CUL2: variants seen among roughly 807,000 people sequenced by gnomAD.
The protein encoded by CUL2 is cullin-2.
A neutral mutation model predicts 110.2 loss-of-function variants in CUL2; 22 were observed. That is an observed-to-expected ratio of 0.20 (90% CI 0.14 to 0.28). CUL2 has a LOEUF of 0.28. Ranked by LOEUF, CUL2 falls within the 10% of genes least tolerant of loss-of-function variation. The probability of loss-of-function intolerance (pLI) is 1.00; values close to 1 mark genes in which losing one functional copy is unlikely to be tolerated. For missense variants in CUL2, 631 were observed against 905.5 expected, an observed-to-expected ratio of 0.70 and a Z score of 3.89; for synonymous variants, 279 against 293.2, an observed-to-expected ratio of 0.95 and a Z score of 0.49.
chr10:35,076,101 T>C (rs1300579647), intron 1 of CUL2, among the ~76,000 whole-genome samples: 1 of 152,142 alleles, frequency 6.6e-6, no homozygotes, highest in South Asian at 2.1e-4. Context: ...TACGAGGAAA[T>C]GAAGTACTGA....
At chr10:35,016,076 T>A in intron 18 of CUL2, 116 bp downstream of exon 18, 2 of 818,584 alleles carry the variant, frequency 2.4e-6, no homozygotes, top group Non-Finnish European at 3.9e-6. Flanking sequence ...ACGTAGTGAA[T>A]ACAAGTGCTT....
At chr10:35,055,905 G>A (rs931897712) in intron 4 of CUL2, among the ~76,000 whole-genome samples, 2 of 152,120 alleles carry the variant, frequency 1.3e-5, no homozygotes, top group African/African-American at 4.8e-5. Flanking sequence ...CTCCACCTAA[G>A]TGCCCCATCC....
intron 18 of CUL2, among the ~76,000 whole-genome samples, chr10:35,015,225 G>A (rs1482823038): frequency 6.6e-6 from 1 of 151,806 alleles, no homozygotes; most frequent in South Asian, 2.1e-4. Flanking sequence ...CCCAGGAGGT[G>A]GAGGTTGCAG....
chr10:35,119,548 T>C (rs892478778), intron 1 of CUL2, among the ~76,000 whole-genome samples: 34 of 150,298 alleles, frequency 2.3e-4, no homozygotes, highest in African/African-American at 6.3e-4. Flanking sequence ...TTTAGGGAGG[T>C]TTTAAAATTA....
chr10:35,120,115 A>G (rs1196423654), intron 1 of CUL2: 1 of 152,226 alleles, frequency 6.6e-6, no homozygotes. Context: ...GATTTATTTT[A>G]TCATTTAAAT....
intron 1 of CUL2, among the ~76,000 whole-genome samples, chr10:35,124,210 G>A (rs954571192): frequency 6.6e-6 from 1 of 152,124 alleles, no homozygotes; most frequent in African/African-American, 2.4e-5. Context: ...AAATAAGGCA[G>A]TAGTCATTGG....
intron 1 of CUL2, among the ~76,000 whole-genome samples, chr10:35,115,229 TTC>T: frequency 6.7e-6 from 1 of 149,402 alleles, no homozygotes; most frequent in South Asian, 2.1e-4. Flanking sequence ...CACAGCAAGA[TTC>T]TGTCTAAAAA....
rs752579429 is a variant in CUL2, at chr10:35,028,898, AAAAAT to A, written c.1540-16_1540-12del. 1.5e-5 allele frequency: 23 copies of A among 1,557,004 alleles called. No individual in the cohort carries two copies. Among genetic ancestry groups the A allele is most frequent in the East Asian group, 4.5e-5 (2 of 44,444 alleles). ...AGGCCACGCACCAGCCTAGAAGGAAAAAAATAAAATAAAATAAGCTAAATGGATCA... is the reference window on the plus strand; with the variant it reads ...AGGCCACGCACCAGCCTAGAAGGAAAAAAATAAAATAAGCTAAATGGATCA... On this transcript the variant is annotated splice_polypyrimidine_tract_variant and intron_variant, in intron 15 of 20. Transcript: ENST00000374749.
chr10:35,113,026 T>C (rs1306227660), intron 1 of CUL2, among the ~76,000 whole-genome samples: 1 of 151,224 alleles, frequency 6.6e-6, no homozygotes, highest in Non-Finnish European at 1.5e-5. Flanking sequence ...ACCCAGTCTC[T>C]ACTAAAAATA....
chr10:35,028,702 T>G lies in CUL2; in HGVS notation c.1617+108A>C, dbSNP rs1489437186. 4.6e-6 allele frequency: 3 copies of G among 655,644 alleles called. No individual in the cohort carries two copies. In the Admixed American group the frequency reaches 8.9e-5, roughly 19 times the overall value. 40.6% of individuals were successfully genotyped at this position (655,644 alleles called of 1,614,324 possible). A position where few individuals can be genotyped will look rare whatever the true frequency, so the allele number is the denominator to read the frequency against. ...GACTGACTATAATTTCTGAATCTAT[T>G]TTTATCACATGAACCCTTAAGACTC... On this transcript the variant is annotated intron_variant, in intron 16 of 20. Coordinates refer to ENST00000374749, the MANE Select transcript of CUL2 (RefSeq NM_003591.4).
upstream of CUL2, among the ~76,000 whole-genome samples, chr10:35,090,793 A>C (rs919833260): frequency 4.6e-5 from 7 of 152,210 alleles, no homozygotes; most frequent in African/African-American, 1.7e-4. Context: ...GTACCCACCC[A>C]CTACCCGTTA....
At chr10:35,056,000 G>C (rs1221715290) in intron 4 of CUL2, among the ~76,000 whole-genome samples, 1 of 152,206 alleles carries the variant, frequency 6.6e-6, no homozygotes, top group Non-Finnish European at 1.5e-5. Flanking sequence ...CCCCAGAGGA[G>C]TTAGCCTTCA....
chr10:35,083,683 A>C (rs1307374753), intron 1 of CUL2, among the ~76,000 whole-genome samples: 1 of 152,214 alleles, frequency 6.6e-6, no homozygotes, highest in African/African-American at 2.4e-5. Flanking sequence ...CAGAGCAACA[A>C]AATAATGAAT....
intron 1 of CUL2, among the ~76,000 whole-genome samples, chr10:35,079,228 A>G (rs1319594517): frequency 6.6e-6 from 1 of 152,260 alleles, no homozygotes; most frequent in African/African-American, 2.4e-5. Context: ...GGTCTCTCAG[A>G]ATATCTCACT....
At chr10:35,117,900 AG>A (rs1486342407) in intron 1 of CUL2, among the ~76,000 whole-genome samples, 1 of 152,180 alleles carries the variant, frequency 6.6e-6, no homozygotes. Context: ...GATTTTTTTC[AG>A]AACAATTTTA....
intron 1 of CUL2, among the ~76,000 whole-genome samples, chr10:35,072,609 C>A (rs1332497836): frequency 1.3e-5 from 2 of 152,172 alleles, no homozygotes; most frequent in East Asian, 3.9e-4. Context: ...ACCTCGTGAT[C>A]CGCCCACCTC....
At chr10:35,091,378 C>G (rs757453589), upstream of CUL2, among the ~76,000 whole-genome samples, 16 of 152,208 alleles carry the variant, frequency 1.1e-4, no homozygotes, top group Admixed American at 2.6e-4. Flanking sequence ...GAGCCTTCCT[C>G]CTCTTCTAAT....
intron 9 of CUL2, among the ~76,000 whole-genome samples, chr10:35,038,409 C>G (rs1222248218): frequency 6.8e-6 from 1 of 148,024 alleles, no homozygotes; most frequent in Non-Finnish European, 1.5e-5. Context: ...GCCTGTAATC[C>G]CAGCTACTCA....
intron 20 of CUL2, 147 bp downstream of exon 20, chr10:35,011,701 G>A (rs111259829): frequency 0.011 from 6,283 of 566,088 alleles, 264 homozygotes; most frequent in African/African-American, 0.097. Context: ...TTGTGAGTGA[G>A]TACGATTCTG....
Sources: gnomAD v4.1 joint callset for allele counts (sites outside exome capture counted in the v4.1 genomes callset) on GRCh38, gnomAD v4.1.1 for gene constraint, MANE v1.5 for transcripts, NCBI Gene and HGNC (gene_info 2026-07-23, HGNC 2026-07-21) for gene names.